PPIP5K2: variants seen among roughly 807,000 people sequenced by gnomAD.
The protein encoded by PPIP5K2 is diphosphoinositol pentakisphosphate kinase 2.
A neutral mutation model predicts 154.6 loss-of-function variants in PPIP5K2; 105 were observed. The ratio of observed to expected loss-of-function variants is 0.68; its 90% confidence interval spans 0.58 to 0.80. The LOEUF (loss-of-function observed/expected upper bound fraction) is 0.80, where lower values mean the gene tolerates loss of function less well. Ranked by LOEUF, PPIP5K2 falls within the 30% of genes least tolerant of loss-of-function variation. PPIP5K2 has a pLI of 0.00. For synonymous variants in PPIP5K2, 480 were observed against 490.3 expected, an observed-to-expected ratio of 0.98 and a Z score of 0.28; for missense variants, 992 against 1,504.6, an observed-to-expected ratio of 0.66 and a Z score of 5.64.
intron 10 of PPIP5K2, among the ~76,000 whole-genome samples, chr5:103,153,147 T>A (rs1794895259): frequency 6.6e-6 from 1 of 151,898 alleles, no homozygotes; most frequent in Non-Finnish European, 1.5e-5. Flanking sequence ...GTTGACTGAA[T>A]GCTTTTTTTT....
chr5:103,160,329 T>G (rs1183050618), intron 17 of PPIP5K2, among the ~76,000 whole-genome samples: 1 of 152,216 alleles, frequency 6.6e-6, no homozygotes, highest in East Asian at 1.9e-4. Flanking sequence ...TTCAGTTTTT[T>G]GAGCAATGTT....
intron 26 of PPIP5K2, among the ~76,000 whole-genome samples, chr5:103,185,931 T>G (rs1056000487): frequency 5.1e-5 from 7 of 138,520 alleles, no homozygotes; most frequent in Non-Finnish European, 1.1e-4. Flanking sequence ...AGAAGGAGTG[T>G]TTTTTTTTTT....
At chr5:103,129,848 G>T (rs532251569) in intron 2 of PPIP5K2, 145 bp downstream of exon 2, 5 of 1,169,278 alleles carry the variant, frequency 4.3e-6, no homozygotes, top group Admixed American at 3.6e-5. Context: ...AATCTATGAT[G>T]AATCAATAAA....
chr5:103,131,437 T>C (rs1583204624), intron 2 of PPIP5K2, among the ~76,000 whole-genome samples: 1 of 152,012 alleles, frequency 6.6e-6, no homozygotes, highest in African/African-American at 2.4e-5. Context: ...ATGCTTTTTT[T>C]CCCCCCAAAT....
At chr5:103,140,989 G>C (rs1554206431) in intron 5 of PPIP5K2, among the ~76,000 whole-genome samples, 1 of 152,074 alleles carries the variant, frequency 6.6e-6, no homozygotes, top group Non-Finnish European at 1.5e-5. Context: ...ATCTTTTACA[G>C]GAAATGCTAA....
chr5:103,156,101 G>A, intron 14 of PPIP5K2, 107 bp downstream of exon 14: 1 of 667,696 alleles, frequency 1.5e-6, no homozygotes, highest in African/African-American at 1.8e-5. Flanking sequence ...GGAATGGCAT[G>A]GTGAGGAAAA....
At chr5:103,174,946 T>G (rs1189007011) in intron 21 of PPIP5K2, among the ~76,000 whole-genome samples, 1 of 152,064 alleles carries the variant, frequency 6.6e-6, no homozygotes, top group Admixed American at 6.6e-5. Flanking sequence ...TCTCCCTCAG[T>G]GCCACCCCCT....
rs1554209963 is a variant in PPIP5K2 at position 103,148,273 on chromosome 5, C to T, written c.744+241C>T. On this transcript the variant is annotated intron_variant, in intron 7 of 30. Coordinates refer to ENST00000358359, the MANE Select transcript of PPIP5K2 (RefSeq NM_001276277.3). The stretch of plus-strand genomic sequence containing the variant: ...GATTATGATGGAGACAAATTTTATT[C>T]AAATATAATAAAATATTTAAAAACC... 3 of 483,080 alleles carry T rather than the reference C, an allele frequency of 6.2e-6. No homozygotes were observed. The East Asian group carries it at 1.4e-4, about 22-fold the overall frequency. The allele number at this position is 483,080 out of a possible 1,614,324, so 29.9% of individuals were successfully genotyped here.
chr5:103,159,239 T>G lies in PPIP5K2; in HGVS notation c.1831T>G (p.Ser611Ala). ...MNGLLDSDSDSLSSCQQRVKA... is the reference protein window; with the variant it reads ...MNGLLDSDSDALSSCQQRVKA... ...CGGTCTTTTGGATAGTGATAGTGACTCTCTGAGCAGTTGTCAGCAACGTGT... is the reference window on the plus strand; with the variant it reads ...CGGTCTTTTGGATAGTGATAGTGACGCTCTGAGCAGTTGTCAGCAACGTGT... The change falls in exon 17 of 31, where the codon TCT (serine) becomes GCT (alanine). Residue 611 changes from serine to alanine, a missense_variant. Physicochemically the swap from Ser to Ala is moderately conservative, Grantham distance 99 (BLOSUM62 1). This residue lies in a region of PPIP5K2 where 82 missense variants were observed against 91.8 expected (regional missense o/e 0.89). Coordinates refer to ENST00000358359, the MANE Select transcript of PPIP5K2 (RefSeq NM_001276277.3). The G allele has an allele frequency of 3.1e-6, 5 of 1,613,102 alleles. No homozygotes were observed. Among genetic ancestry groups the G allele is most frequent in the Non-Finnish European group, 4.2e-6 (5 of 1,179,214 alleles).
chr5:103,159,081 G>A (rs1183168435), intron 16 of PPIP5K2, 65 bp from the exon 17 acceptor site: 14 of 1,149,616 alleles, frequency 1.2e-5, no homozygotes, highest in Non-Finnish European at 1.7e-5. Flanking sequence ...AAATCAGTAT[G>A]TAACAAAATA....
At chr5:103,181,905 A>G (rs1413171857) in intron 24 of PPIP5K2, among the ~76,000 whole-genome samples, 2 of 152,194 alleles carry the variant, frequency 1.3e-5, no homozygotes, top group African/African-American at 4.8e-5. Context: ...TATAATGGAA[A>G]TCATATAGTC....
In PPIP5K2 at chr5:103,210,502, G is replaced by C. The variant is rs182270017; in HGVS notation, c.*8868G>C. 1 of 152,194 alleles carries C rather than the reference G, an allele frequency of 6.6e-6. No homozygotes were observed. The highest frequency in any genetic ancestry group is 2.4e-5 in the African/African-American group (1 of 41,544). 9.4% of individuals were successfully genotyped at this position (152,194 alleles called of 1,614,324 possible). On this transcript the variant is annotated 3_prime_UTR_variant, in exon 31 of 31. Coordinates refer to ENST00000358359, the MANE Select transcript of PPIP5K2 (RefSeq NM_001276277.3). ...TAGAATAAGGAGCTGGGAGAAAGGA[G>C]ACCTGGGTATTAATCTCAGCTCTAC...
At position 103,186,213 on chromosome 5, in the gene PPIP5K2, AG is replaced by A. The variant is rs373689323; in HGVS notation, c.3170-105del. ...GTGAGCCTGTTCAAGGCACTTCCAAAGGTTGCCTTATATGTGGTAAGAGCCA... is the reference window on the plus strand; with the variant it reads ...GTGAGCCTGTTCAAGGCACTTCCAAAGTTGCCTTATATGTGGTAAGAGCCA... On this transcript the variant is annotated intron_variant, in intron 26 of 30. Coordinates refer to ENST00000358359, the MANE Select transcript of PPIP5K2 (RefSeq NM_001276277.3). 5.4e-4 allele frequency: 754 copies of A among 1,403,970 alleles called. No individual in the cohort carries two copies. In the African/African-American group the frequency reaches 8.8e-3, roughly 16 times the overall value. The allele number at this position is 1,403,970 out of a possible 1,614,324, so 87.0% of individuals were successfully genotyped here.
Position 103,194,977 on chromosome 5 carries a change from C to T in PPIP5K2, c.3571C>T (p.Pro1191Ser), listed in dbSNP as rs1044142044. 1.2e-6 allele frequency: 2 copies of T among 1,613,484 alleles called. No individual in the cohort carries two copies. The highest frequency in any genetic ancestry group is 1.7e-6 in the Non-Finnish European group (2 of 1,179,790). Residue 1191 changes from proline to serine, a missense_variant, in exon 30 of 31, where the codon CCA (proline) becomes TCA (serine). Pro to Ser is a moderately conservative substitution (Grantham distance 74). This residue lies in a region of PPIP5K2 where 131 missense variants were observed against 117.8 expected (regional missense o/e 1.11). Coordinates refer to ENST00000358359, the MANE Select transcript of PPIP5K2 (RefSeq NM_001276277.3). ...TACGTATACACCTGCAAAGATCCTCCCAACACCACCAGCTACCTTAAAGAG... is the reference window on the plus strand; with the variant it reads ...TACGTATACACCTGCAAAGATCCTCTCAACACCACCAGCTACCTTAAAGAG... ...LNTYTPAKIL[P>S]TPPATLKSTK...
At chr5:103,201,373 A>T (rs572356640) in intron 30 of PPIP5K2, 149 bp from the exon 31 acceptor site, 3 of 548,922 alleles carry the variant, frequency 5.5e-6, no homozygotes, top group Non-Finnish European at 9.6e-6. Context: ...GAAAAGTAAA[A>T]GGTTAAAAAT....
intron 6 of PPIP5K2, among the ~76,000 whole-genome samples, chr5:103,147,135 C>T (rs1554209434): frequency 6.6e-6 from 1 of 151,786 alleles, no homozygotes; most frequent in Admixed American, 6.6e-5. Flanking sequence ...AAATATTGAG[C>T]TAGTTGAGAA....
At chr5:103,196,288 T>A (rs1802079904) in intron 30 of PPIP5K2, among the ~76,000 whole-genome samples, 1 of 152,188 alleles carries the variant, frequency 6.6e-6, no homozygotes, top group African/African-American at 2.4e-5. Context: ...TGATTTGTTC[T>A]ATTATACCAG....
chr5:103,151,140 T>C, intron 8 of PPIP5K2, 113 bp from the exon 9 acceptor site: 1 of 799,230 alleles, frequency 1.3e-6, no homozygotes, highest in Non-Finnish European at 1.9e-6. Flanking sequence ...AACCACTATA[T>C]AGTAATATAC....
intron 18 of PPIP5K2, 84 bp downstream of exon 18, chr5:103,167,404 G>A: frequency 1.7e-6 from 2 of 1,193,462 alleles, no homozygotes; most frequent in Admixed American, 5.5e-5. Flanking sequence ...CAATCTTGTT[G>A]TAAGAAATCA....
Sources: gnomAD v4.1 joint callset for allele counts (sites outside exome capture counted in the v4.1 genomes callset) on GRCh38, gnomAD v4.1.1 for gene constraint, gnomAD v4.1.1 regional missense constraint, MANE v1.5 for transcripts, NCBI Gene and HGNC (gene_info 2026-07-23, HGNC 2026-07-21) for gene names.